The following KLHL32 variants were observed in gnomAD, a reference collection of about 807,000 sequenced individuals.
KLHL32 encodes the protein kelch-like protein 32.
Under a neutral mutation model 64.8 loss-of-function variants are expected in KLHL32, and 35 were observed. The observed-to-expected ratio is 0.54, with a 90% CI of 0.41 to 0.72. KLHL32 has a LOEUF of 0.72. Ranked by LOEUF, KLHL32 falls within the 30% of genes least tolerant of loss-of-function variation. The pLI is 0.00. For missense variants in KLHL32, 589 were observed against 768.5 expected, an observed-to-expected ratio of 0.77 and a Z score of 2.76; for synonymous variants, 259 against 281.0, an observed-to-expected ratio of 0.92 and a Z score of 0.78.
chr6:97,079,370 G>A (rs754946370), intron 5 of KLHL32, among the ~76,000 whole-genome samples: 2 of 152,148 alleles, frequency 1.3e-5, no homozygotes, highest in Admixed American at 6.5e-5. Flanking sequence ...GATCAACACT[G>A]TCCTCAAACT....
intron 3 of KLHL32, among the ~76,000 whole-genome samples, chr6:97,025,346 G>A (rs1253629871): frequency 6.6e-6 from 1 of 152,164 alleles, no homozygotes; most frequent in African/African-American, 2.4e-5. Flanking sequence ...TGAATTATCA[G>A]TATGCTTCTC....
At chr6:97,016,892 C>T (rs1043858419) in intron 3 of KLHL32, among the ~76,000 whole-genome samples, 14 of 152,112 alleles carry the variant, frequency 9.2e-5, no homozygotes, top group Admixed American at 8.5e-4. Context: ...ATAAGAGGCC[C>T]TATCCCCTTC....
chr6:97,086,601 G>T (rs1210079150), intron 6 of KLHL32, among the ~76,000 whole-genome samples: 1 of 152,084 alleles, frequency 6.6e-6, no homozygotes, highest in Non-Finnish European at 1.5e-5. Context: ...GCTAACACCT[G>T]CCCCCATGTC....
At chr6:96,925,707 A>G (rs1769058683) in intron 1 of KLHL32, among the ~76,000 whole-genome samples, 1 of 152,256 alleles carries the variant, frequency 6.6e-6, no homozygotes, top group African/African-American at 2.4e-5. Context: ...GAACAGGAAT[A>G]CGTTTGTGAA....
intron 1 of KLHL32, among the ~76,000 whole-genome samples, chr6:96,949,164 G>C (rs143439718): frequency 6.6e-6 from 1 of 152,280 alleles, no homozygotes; most frequent in African/African-American, 2.4e-5. Context: ...TGTAAGTTCT[G>C]TGAAAATAGG....
intron 4 of KLHL32, among the ~76,000 whole-genome samples, chr6:97,046,662 A>G (rs1226819512): frequency 6.6e-6 from 1 of 152,180 alleles, no homozygotes; most frequent in Non-Finnish European, 1.5e-5. Context: ...TTTCCCTTTG[A>G]GACATGGACA....
chr6:97,102,340 C>T (rs771351147), intron 6 of KLHL32, among the ~76,000 whole-genome samples: 4 of 152,160 alleles, frequency 2.6e-5, no homozygotes, highest in Non-Finnish European at 1.5e-5. Context: ...GGTGTTGTGA[C>T]CCACATGAGG....
intron 3 of KLHL32, among the ~76,000 whole-genome samples, chr6:97,011,620 G>A (rs1164717675): frequency 6.6e-6 from 1 of 152,148 alleles, no homozygotes; most frequent in African/African-American, 2.4e-5. Flanking sequence ...TCACTGTAGT[G>A]TGAAAAATAG....
intron 1 of KLHL32, among the ~76,000 whole-genome samples, chr6:96,963,906 A>G (rs772800776): frequency 1.3e-5 from 2 of 152,218 alleles, no homozygotes; most frequent in Non-Finnish European, 2.9e-5. Flanking sequence ...TGTCATGCCA[A>G]TGGCTCAGAA....
chr6:97,121,562 T>G (rs1203302611), intron 7 of KLHL32, among the ~76,000 whole-genome samples: 5 of 149,178 alleles, frequency 3.4e-5, no homozygotes, highest in African/African-American at 4.9e-5. Context: ...TGGTGTAGAT[T>G]AGAAATTTTT....
chr6:97,000,020 A>G (rs913306976), intron 3 of KLHL32, among the ~76,000 whole-genome samples: 6 of 152,174 alleles, frequency 3.9e-5, no homozygotes, highest in Admixed American at 3.9e-4. Context: ...AACCTAAAGG[A>G]TGCTTTTACT....
At chr6:96,967,700 A>G (rs1467615038) in intron 2 of KLHL32, among the ~76,000 whole-genome samples, 1 of 152,348 alleles carries the variant, frequency 6.6e-6, no homozygotes, top group Admixed American at 6.5e-5. Context: ...CTTAAAATGT[A>G]TATTCTATGG....
At chr6:97,016,782 C>T (rs1420315655) in intron 3 of KLHL32, among the ~76,000 whole-genome samples, 1 of 152,098 alleles carries the variant, frequency 6.6e-6, no homozygotes, top group Non-Finnish European at 1.5e-5. Flanking sequence ...TCCCCATAAT[C>T]CTGGGAGGGA....
chr6:97,033,934 C>T (rs1014973167), intron 3 of KLHL32, among the ~76,000 whole-genome samples: 1 of 151,744 alleles, frequency 6.6e-6, no homozygotes. Flanking sequence ...GGATATTAAC[C>T]CTTTATCAGA....
At chr6:97,137,300 A>C (rs1227726633) in intron 10 of KLHL32, among the ~76,000 whole-genome samples, 1 of 152,214 alleles carries the variant, frequency 6.6e-6, no homozygotes, top group African/African-American at 2.4e-5. Flanking sequence ...CACTGAAAGA[A>C]AATACATCAA....
intron 3 of KLHL32, among the ~76,000 whole-genome samples, chr6:97,014,346 A>G (rs1427748286): frequency 6.6e-6 from 1 of 151,942 alleles, no homozygotes; most frequent in Admixed American, 6.5e-5. Flanking sequence ...ATTATTTGCA[A>G]CTTTATTTCT....
At chr6:97,052,516 G>A (rs1470973555) in intron 4 of KLHL32, among the ~76,000 whole-genome samples, 2 of 152,226 alleles carry the variant, frequency 1.3e-5, no homozygotes, top group Non-Finnish European at 2.9e-5. Context: ...TTCAATCTGT[G>A]TAAACAAATG....
chr6:96,969,034 G>A (rs1774819834), intron 2 of KLHL32, among the ~76,000 whole-genome samples: 1 of 152,030 alleles, frequency 6.6e-6, no homozygotes, highest in Admixed American at 6.6e-5. Flanking sequence ...CTGTAGTCGG[G>A]GTCATTGTCC....
chr6:97,068,999 G>A (rs1026570320), intron 5 of KLHL32, among the ~76,000 whole-genome samples: 4 of 152,178 alleles, frequency 2.6e-5, no homozygotes, highest in Admixed American at 6.5e-5. Context: ...GATAGGTAGA[G>A]CATTTTATCA....
Sources: allele counts gnomAD v4.1 joint callset (sites outside exome capture counted in the v4.1 genomes callset), GRCh38; gene constraint gnomAD v4.1.1; transcripts MANE v1.5; gene names NCBI Gene and HGNC (gene_info 2026-07-23, HGNC 2026-07-21).